The following GLYAT variants were observed in gnomAD, a reference collection of about 807,000 sequenced individuals.
GLYAT encodes the protein glycine N-acyltransferase.
A neutral mutation model predicts 22.8 loss-of-function variants in GLYAT; 25 were observed. That is an observed-to-expected ratio of 1.09 (90% CI 0.80 to 1.53). The LOEUF is 1.53. Ranked by LOEUF, GLYAT falls within the 40% of genes most tolerant of loss-of-function variation. GLYAT has a pLI of 0.00. For missense variants in GLYAT, 411 were observed against 353.9 expected (o/e 1.16, Z -1.29); for synonymous variants, 140 against 122.7 (o/e 1.14, Z -0.93).
Position 58,709,714 on chromosome 11 carries a change from T to C in GLYAT, c.*52A>G. 6.5e-7 allele frequency: 1 copy of C among 1,539,690 alleles called. No homozygotes were observed. The highest frequency in any genetic ancestry group is 8.8e-7 in the Non-Finnish European group (1 of 1,142,028). ...TTTCTTTTCATCCACCATCCACTCC[T>C]CAAATTATACGCCCAGACCTGCCCA... On this transcript the variant is annotated 3_prime_UTR_variant, in exon 6 of 6. Coordinates refer to ENST00000344743, the MANE Select transcript of GLYAT (RefSeq NM_201648.3).
At chr11:58,725,169 T>C (rs1565059484) in intron 1 of GLYAT, among the ~76,000 whole-genome samples, 1 of 152,178 alleles carries the variant, frequency 6.6e-6, no homozygotes, top group Non-Finnish European at 1.5e-5. Flanking sequence ...AAATTATTAC[T>C]GCATCATATT....
At chr11:58,728,800 A>G (rs1368359049) in intron 1 of GLYAT, 1 of 148,742 alleles carries the variant, frequency 6.7e-6, no homozygotes, top group Non-Finnish European at 1.5e-5. Flanking sequence ...AAACAGAGAG[A>G]TGAGAGAGAG....
chr11:58,713,025 C>T (rs895474545), intron 3 of GLYAT, 139 bp from the exon 4 acceptor site: 5 of 557,800 alleles, frequency 9.0e-6, no homozygotes, highest in African/African-American at 3.8e-5. Context: ...TTTATTGATA[C>T]ATAATATTTG....
At chr11:58,714,481 A>G (rs1856654520) in intron 3 of GLYAT, among the ~76,000 whole-genome samples, 1 of 152,134 alleles carries the variant, frequency 6.6e-6, no homozygotes. Context: ...ATGTGTATAG[A>G]AGTTCTATCA....
At chr11:58,715,480 T>C (rs748625281) in intron 2 of GLYAT, 57 bp from the exon 3 acceptor site, 78 of 788,156 alleles carry the variant, frequency 9.9e-5, no homozygotes, top group Non-Finnish European at 1.6e-4. Context: ...CAGTAAAGTT[T>C]CTTGCTTGAT....
intron 4 of GLYAT, 102 bp downstream of exon 4, chr11:58,712,658 C>T (rs1354618153): frequency 2.0e-6 from 2 of 980,224 alleles, no homozygotes; most frequent in East Asian, 4.8e-5. Flanking sequence ...AAATTGACAG[C>T]AGGCTGGGAG....
chr11:58,729,609 C>T (rs923516091), intron 1 of GLYAT, among the ~76,000 whole-genome samples: 3 of 152,098 alleles, frequency 2.0e-5, no homozygotes, highest in Admixed American at 6.6e-5. Flanking sequence ...ACATGAAATG[C>T]TTGTATTAAT....
intron 2 of GLYAT, among the ~76,000 whole-genome samples, chr11:58,718,860 G>A (rs899868028): frequency 6.6e-5 from 10 of 151,904 alleles, no homozygotes; most frequent in African/African-American, 2.2e-4. Context: ...TATTACCTCT[G>A]TGGCACACAA....
intron 1 of GLYAT, among the ~76,000 whole-genome samples, chr11:58,728,880 A>AAG: frequency 8.1e-6 from 1 of 123,840 alleles, no homozygotes; most frequent in South Asian, 2.9e-4. Context: ...GAAAGAAAGA[A>AAG]AGAAAGAAAG....
At chr11:58,725,897 C>T (rs1856806761) in intron 1 of GLYAT, among the ~76,000 whole-genome samples, 1 of 152,060 alleles carries the variant, frequency 6.6e-6, no homozygotes, top group Non-Finnish European at 1.5e-5. Context: ...GTAGTGTGAG[C>T]ATAGAGTTGT....
intron 2 of GLYAT, among the ~76,000 whole-genome samples, chr11:58,721,549 G>A (rs1856750364): frequency 6.6e-6 from 1 of 151,948 alleles, no homozygotes; most frequent in South Asian, 2.1e-4. Flanking sequence ...ATAAAAACAT[G>A]AAGGCCTTCA....
At chr11:58,725,060 A>T (rs2134494962) in intron 1 of GLYAT, among the ~76,000 whole-genome samples, 1 of 152,074 alleles carries the variant, frequency 6.6e-6, no homozygotes, top group East Asian at 1.9e-4. Flanking sequence ...TCTTTCCCCC[A>T]CTTGAGCCAA....
chr11:58,721,365 A>G (rs1856747461), intron 2 of GLYAT, among the ~76,000 whole-genome samples: 1 of 87,074 alleles, frequency 1.1e-5, no homozygotes. Flanking sequence ...TAAAAATAAA[A>G]TTAAACTTCA....
Position 58,709,904 on chromosome 11 carries a change from G to A in GLYAT, c.753C>T (p.Ala251=). 1 of 1,614,112 alleles carries A rather than the reference G, an allele frequency of 6.2e-7. No homozygotes were observed. The highest frequency in any genetic ancestry group is 1.7e-5 in the Admixed American group (1 of 60,008). ...GAAACCCAAGTTTGCCCAATTTCTG[G>A]GCGTGGGAATAGATGACATACGTCA... The part of the protein sequence containing the change: ...GLVTYVIYSH[A]QKLGKLGFPV... The change falls in exon 6 of 6, where the codon GCC becomes GCT. Residue 251 remains alanine (A), a synonymous_variant. Coordinates refer to ENST00000344743, the MANE Select transcript of GLYAT (RefSeq NM_201648.3).
At chr11:58,722,945 G>A (rs1411226411) in intron 2 of GLYAT, among the ~76,000 whole-genome samples, 1 of 152,006 alleles carries the variant, frequency 6.6e-6, no homozygotes, top group Non-Finnish European at 1.5e-5. Context: ...GAAAATGTAT[G>A]TCTTTTAGTA....
At chr11:58,719,314 T>G (rs1344834252) in intron 2 of GLYAT, among the ~76,000 whole-genome samples, 1 of 152,000 alleles carries the variant, frequency 6.6e-6, no homozygotes, top group East Asian at 1.9e-4. Context: ...TGAAGCTAAT[T>G]ACATTTGTTT....
intron 4 of GLYAT, among the ~76,000 whole-genome samples, chr11:58,711,013 A>G (rs1856610027): frequency 1.3e-5 from 2 of 152,202 alleles, no homozygotes; most frequent in South Asian, 2.1e-4. Context: ...GACCTGTGCT[A>G]GCATTCTTAG....
At chr11:58,721,929 A>C (rs1856755380) in intron 2 of GLYAT, among the ~76,000 whole-genome samples, 1 of 152,106 alleles carries the variant, frequency 6.6e-6, no homozygotes, top group Non-Finnish European at 1.5e-5. Flanking sequence ...CAAAACTAAC[A>C]ATGATCACCC....
chr11:58,724,947 C>T (rs1856797173), intron 1 of GLYAT, among the ~76,000 whole-genome samples: 1 of 152,014 alleles, frequency 6.6e-6, no homozygotes. Context: ...GGAATGAATA[C>T]CTGCAATGTG....
Sources: allele counts gnomAD v4.1 joint callset (sites outside exome capture counted in the v4.1 genomes callset), GRCh38; gene constraint gnomAD v4.1.1; transcripts MANE v1.5; gene names NCBI Gene and HGNC (gene_info 2026-07-23, HGNC 2026-07-21).